Variants in PPP2R2C observed in about 807,000 individuals in gnomAD.
PPP2R2C encodes the protein protein phosphatase 2, regulatory subunit B, gamma.
A neutral mutation model predicts 45.3 loss-of-function variants in PPP2R2C; 10 were observed. The observed-to-expected ratio is 0.22, with a 90% confidence interval of 0.14 to 0.37. The LOEUF (loss-of-function observed/expected upper bound fraction) is 0.37. Among genes scored for constraint, PPP2R2C ranks in the 10% least tolerant of loss-of-function variants. PPP2R2C has a pLI of 1.00. For missense variants in PPP2R2C, 308 were observed against 619.7 expected, an observed-to-expected ratio of 0.50 and a Z score of 5.34; for synonymous variants, 257 against 245.4, an observed-to-expected ratio of 1.05 and a Z score of -0.44.
intron 5 of PPP2R2C, among the ~76,000 whole-genome samples, chr4:6,369,047 T>A (rs1002017957): frequency 3.3e-5 from 5 of 152,224 alleles, no homozygotes; most frequent in South Asian, 2.1e-4. Flanking sequence ...CCCCTTAACA[T>A]TGAAGCACAT....
Position 6,382,383 on chromosome 4 carries a change from CCA to C in PPP2R2C, c.71-1291_71-1290del, listed in dbSNP as rs1373676635. The C allele has an allele frequency of 6.7e-6, 9 of 1,347,232 alleles. No homozygotes were observed. The East Asian group carries it at 4.1e-4, about 62-fold the overall frequency. 83.5% of individuals were successfully genotyped at this position (1,347,232 alleles called of 1,614,324 possible). A position where few individuals can be genotyped will look rare whatever the true frequency, so the allele number is the denominator to read the frequency against. ...CAGATCTGACCGTTGCTCCCTGTAGCCACAGAGAGGACACTCCACAGGGTTCC... is the reference window on the plus strand; with the variant it reads ...CAGATCTGACCGTTGCTCCCTGTAGCCAGAGAGGACACTCCACAGGGTTCC... On this transcript the variant is annotated intron_variant, in intron 1 of 8. Transcript: ENST00000382599.
At chr4:6,455,142 G>A (rs1720953173) in intron 1 of PPP2R2C, among the ~76,000 whole-genome samples, 1 of 152,166 alleles carries the variant, frequency 6.6e-6, no homozygotes, top group African/African-American at 2.4e-5. Flanking sequence ...CTCCAGAGCT[G>A]CGTTGCATTC....
chr4:6,465,291 T>C (rs886576896), intron 1 of PPP2R2C, among the ~76,000 whole-genome samples: 3 of 152,148 alleles, frequency 2.0e-5, no homozygotes, highest in African/African-American at 7.2e-5. Context: ...GCCTCTCCCC[T>C]GTAGAGCAAC....
chr4:6,548,036 G>A (rs1481979814), intron 1 of PPP2R2C, among the ~76,000 whole-genome samples: 2 of 152,122 alleles, frequency 1.3e-5, no homozygotes, highest in East Asian at 1.9e-4. Context: ...TGGCCAACGT[G>A]GTGAAACCCC....
At chr4:6,362,240 A>G (rs1447798361) in intron 5 of PPP2R2C, among the ~76,000 whole-genome samples, 1 of 152,094 alleles carries the variant, frequency 6.6e-6, no homozygotes, top group Non-Finnish European at 1.5e-5. Context: ...GTGATGGAGT[A>G]TGAGCTATGA....
intron 1 of PPP2R2C, among the ~76,000 whole-genome samples, chr4:6,442,923 A>AG (rs1323862365): frequency 1.3e-5 from 2 of 152,198 alleles, no homozygotes; most frequent in African/African-American, 4.8e-5. Flanking sequence ...AAGTCGCCCA[A>AG]GGGGGGCACC....
intron 1 of PPP2R2C, chr4:6,384,168 C>G (rs1315987177): frequency 2.0e-6 from 2 of 985,296 alleles, no homozygotes; most frequent in Admixed American, 1.2e-4. Context: ...CCAGACACAT[C>G]TGGGCAGAAG....
At chr4:6,508,453 G>A (rs1723312971) in intron 2 of PPP2R2C, among the ~76,000 whole-genome samples, 1 of 152,024 alleles carries the variant, frequency 6.6e-6, no homozygotes, top group Non-Finnish European at 1.5e-5. Context: ...GCTGGGCATA[G>A]TGGCGGGTGC....
intron 1 of PPP2R2C, among the ~76,000 whole-genome samples, chr4:6,554,161 G>A (rs1577255771): frequency 1.3e-5 from 2 of 152,314 alleles, no homozygotes; most frequent in South Asian, 2.1e-4. Context: ...TAGGGTCACT[G>A]CAGATGTCAT....
intron 2 of PPP2R2C, among the ~76,000 whole-genome samples, chr4:6,534,686 C>G (rs541755946): frequency 6.6e-6 from 1 of 152,300 alleles, no homozygotes; most frequent in Non-Finnish European, 1.5e-5. Flanking sequence ...CCCCCCAACA[C>G]GCACGGCCCG....
chr4:6,511,285 CTGAT>C (rs1723450728), intron 2 of PPP2R2C, among the ~76,000 whole-genome samples: 1 of 144,228 alleles, frequency 6.9e-6, no homozygotes, highest in East Asian at 2.0e-4. Flanking sequence ...GATGCTGATG[CTGAT>C]GCTGATGGTG....
chr4:6,494,629 C>T (rs948968243), intron 2 of PPP2R2C, among the ~76,000 whole-genome samples: 1 of 152,182 alleles, frequency 6.6e-6, no homozygotes. Flanking sequence ...CCAGCAAGCA[C>T]CCAGGGCACC....
At chr4:6,528,548 G>C (rs1215115267) in intron 2 of PPP2R2C, among the ~76,000 whole-genome samples, 2 of 122,064 alleles carry the variant, frequency 1.6e-5, no homozygotes, top group Admixed American at 1.6e-4. Flanking sequence ...TGTTCTGACA[G>C]CCAGGGAGAC....
At chr4:6,469,224 C>T (rs1403813946) in intron 1 of PPP2R2C, among the ~76,000 whole-genome samples, 1 of 151,864 alleles carries the variant, frequency 6.6e-6, no homozygotes, top group East Asian at 1.9e-4. Flanking sequence ...CTCCCACGGG[C>T]AAAGATGACA....
intron 1 of PPP2R2C, among the ~76,000 whole-genome samples, chr4:6,435,905 T>C (rs765457683): frequency 6.6e-6 from 1 of 152,232 alleles, no homozygotes; most frequent in African/African-American, 2.4e-5. Flanking sequence ...GTTGTTATGG[T>C]CTGAATGTGT....
At chr4:6,510,490 C>T in intron 2 of PPP2R2C, among the ~76,000 whole-genome samples, 1 of 152,154 alleles carries the variant, frequency 6.6e-6, no homozygotes, top group Admixed American at 6.5e-5. Flanking sequence ...TTATATGTAC[C>T]CGAAATTGTT....
intron 1 of PPP2R2C, chr4:6,383,965 G>A (rs1336649057): frequency 1.0e-6 from 1 of 986,298 alleles, no homozygotes; most frequent in African/African-American, 1.7e-5. Flanking sequence ...TTAGAAGTGG[G>A]ATGACGGGCT....
upstream of PPP2R2C, among the ~76,000 whole-genome samples, chr4:6,476,769 A>G (rs1443881068): frequency 6.6e-6 from 1 of 152,082 alleles, no homozygotes; most frequent in African/African-American, 2.4e-5. Flanking sequence ...CATTTGCACA[A>G]TGTTTTTTTT....
intron 1 of PPP2R2C, among the ~76,000 whole-genome samples, chr4:6,450,319 C>T (rs1323245399): frequency 1.3e-5 from 2 of 152,220 alleles, no homozygotes; most frequent in African/African-American, 4.8e-5. Context: ...CTGACAAATA[C>T]AAGTACTGCC....
Sources: gnomAD v4.1 joint callset for allele counts (sites outside exome capture counted in the v4.1 genomes callset) on GRCh38, gnomAD v4.1.1 for gene constraint, MANE v1.5 for transcripts, NCBI Gene and HGNC (gene_info 2026-07-23, HGNC 2026-07-21) for gene names.